Variants in SCUBE2 observed in about 807,000 individuals in gnomAD.
SCUBE2 encodes signal peptide, CUB domain and EGF like domain containing 2, also known as signal peptide, CUB and EGF-like domain-containing protein 2.
In SCUBE2, 114 loss-of-function variants were observed where a neutral mutation model predicts 125.9. That is an observed-to-expected ratio of 0.91 (90% CI 0.78 to 1.06). The LOEUF is 1.06. Ranked by LOEUF, SCUBE2 falls within the 50% of genes least tolerant of loss-of-function variation. The pLI, the probability that SCUBE2 is intolerant of heterozygous loss-of-function variation, is 0.00. For synonymous variants in SCUBE2, 459 were observed against 492.9 expected, an observed-to-expected ratio of 0.93 and a Z score of 0.91; for missense variants, 1,255 against 1,301.8, an observed-to-expected ratio of 0.96 and a Z score of 0.55.
At chr11:9,062,362 C>G (rs1859764404) in intron 7 of SCUBE2, among the ~76,000 whole-genome samples, 1 of 152,192 alleles carries the variant, frequency 6.6e-6, no homozygotes, top group Non-Finnish European at 1.5e-5. Flanking sequence ...CCTGCCCAAG[C>G]AAAAAGACCT....
In SCUBE2 at chr11:9,091,427, C is replaced by A. The variant is rs1346429214; in HGVS notation, c.102G>T (p.Pro34=). 7.5e-7 allele frequency: 1 copy of A among 1,331,768 alleles called. No individual in the cohort carries two copies. Among genetic ancestry groups the A allele is most frequent in the Admixed American group, 3.4e-5 (1 of 29,768 alleles). The allele number at this position is 1,331,768 out of a possible 1,614,324, so 82.5% of individuals were successfully genotyped here. ...PLLLLAGAVP[P]GRGRAAGPQE... is the part of the protein sequence containing the mutation. ...GCGGCCCCGCGGCACGGCCCCGACC[C>A]GGCGGGACGGCCCCCGCCAGCAGCA... is the stretch of plus-strand genomic sequence containing the variant. Residue 34 remains proline, a synonymous_variant, in exon 1 of 23, where the codon CCG becomes CCT. Coordinates refer to ENST00000649792, the MANE Select transcript of SCUBE2 (RefSeq NM_001367977.2). The surrounding 1 kb of genome is among the most constrained non-coding windows in gnomAD (Gnocchi z 8.5).
intron 1 of SCUBE2, chr11:9,090,489 A>ATTTTTTTTTTTTT (rs138136231): frequency 7.0e-6 from 1 of 141,896 alleles, no homozygotes; most frequent in African/African-American, 2.6e-5. Context: ...TTATTTATTT[A>ATTTTTTTTTTTTT]TTTTTTTTTT....
At chr11:9,023,671 A>G (rs1855494746) in intron 21 of SCUBE2, among the ~76,000 whole-genome samples, 1 of 152,266 alleles carries the variant, frequency 6.6e-6, no homozygotes, top group Non-Finnish European at 1.5e-5. Context: ...GGAGTCCCAC[A>G]GTCCTGGTTC....
chr11:9,046,335 T>C (rs1005854287), intron 16 of SCUBE2, among the ~76,000 whole-genome samples: 1 of 152,024 alleles, frequency 6.6e-6, no homozygotes, highest in African/African-American at 2.4e-5. Flanking sequence ...GCTGTTGTGG[T>C]CATGAAGCCC....
intron 17 of SCUBE2, among the ~76,000 whole-genome samples, chr11:9,032,287 GT>G: frequency 6.6e-6 from 1 of 151,682 alleles, no homozygotes; most frequent in Non-Finnish European, 1.5e-5. Flanking sequence ...GCTATTTTTT[GT>G]TTTTTTTAAT....
At chr11:9,067,174 C>CT (rs1860329586) in intron 5 of SCUBE2, among the ~76,000 whole-genome samples, 3 of 152,230 alleles carry the variant, frequency 2.0e-5, no homozygotes, top group Admixed American at 2.0e-4. Flanking sequence ...TGTACTGGGG[C>CT]TTTGGGAAAT....
chr11:9,046,180 G>A (rs535483440), intron 16 of SCUBE2, among the ~76,000 whole-genome samples: 2 of 151,768 alleles, frequency 1.3e-5, no homozygotes, highest in East Asian at 3.9e-4. Context: ...CTAATTTTTT[G>A]TATTTTTTTA....
intron 16 of SCUBE2, among the ~76,000 whole-genome samples, chr11:9,036,201 T>C (rs2135228278): frequency 6.6e-6 from 1 of 152,340 alleles, no homozygotes; most frequent in East Asian, 1.9e-4. Context: ...CAATTTTATA[T>C]TTTTAAAAAA....
chr11:9,027,635 C>T (rs2135081877), intron 19 of SCUBE2, 74 bp from the exon 20 acceptor site: 5 of 1,284,774 alleles, frequency 3.9e-6, no homozygotes, highest in Non-Finnish European at 5.5e-6. Context: ...CTTGCCGAGC[C>T]CCGCAGCACC....
intron 16 of SCUBE2, among the ~76,000 whole-genome samples, chr11:9,042,430 T>C (rs1245729390): frequency 1.3e-5 from 2 of 152,136 alleles, no homozygotes; most frequent in Non-Finnish European, 2.9e-5. Flanking sequence ...TACCATCAGA[T>C]GCACCTTTCT....
In SCUBE2 at chr11:9,019,849, T is replaced by C. The variant is rs1344742049; in HGVS notation, c.*1196A>G. 1.3e-5 allele frequency among the ~76,000 whole-genome samples: 2 copies of C among 152,228 alleles called. No individual in the cohort carries two copies. The highest frequency in any genetic ancestry group is 1.9e-4 in the East Asian group (1 of 5,196). On this transcript the variant is annotated 3_prime_UTR_variant, in exon 23 of 23. Transcript: ENST00000649792. ...TGATTGGATTCCTTTTTATTCACTG[T>C]AATGAGATTTTTGCTTGGGGATTTA...
rs143680682 is a variant in SCUBE2, at chr11:9,036,233, G to C, written c.2003-2437C>G. On this transcript the variant is annotated intron_variant, in intron 16 of 22. Coordinates refer to ENST00000649792, the MANE Select transcript of SCUBE2 (RefSeq NM_001367977.2). Reference sequence around the variant, plus strand: ...AAAATTAAAAGTGAACCAAACTCTTGTTTTATTGGCAAACAATATTATAAT... The same window carrying C: ...AAAATTAAAAGTGAACCAAACTCTTCTTTTATTGGCAAACAATATTATAAT... Among the ~76,000 whole-genome samples the C allele has an allele frequency of 2.2e-3, 336 of 152,258 alleles. 1 individual carries two copies. Among genetic ancestry groups the C allele is most frequent in the African/African-American group, 6.2e-3 (259 of 41,534 alleles).
At chr11:9,080,709 C>A (rs1389978373) in intron 2 of SCUBE2, among the ~76,000 whole-genome samples, 4 of 151,210 alleles carry the variant, frequency 2.6e-5, no homozygotes, top group Non-Finnish European at 5.9e-5. Flanking sequence ...GTTAAAATTT[C>A]TTTGATATAA....
intron 21 of SCUBE2, among the ~76,000 whole-genome samples, chr11:9,023,561 TA>T (rs201747414): frequency 3.3e-5 from 5 of 152,004 alleles, no homozygotes; most frequent in Non-Finnish European, 7.4e-5. Context: ...TGCTATCGTT[TA>T]AAAAAAATAT....
intron 4 of SCUBE2, among the ~76,000 whole-genome samples, chr11:9,071,563 T>C (rs1774799184): frequency 2.6e-5 from 4 of 152,156 alleles, no homozygotes; most frequent in Admixed American, 2.6e-4. Context: ...GCCCAGCAAA[T>C]GGCCCTAGCT....
At chr11:9,089,859 C>T (rs367793405) in intron 1 of SCUBE2, 30 bp from the exon 2 acceptor site, 3 of 1,608,632 alleles carry the variant, frequency 1.9e-6, no homozygotes, top group East Asian at 2.2e-5. Flanking sequence ...ACACCTGGTA[C>T]AGGCTCCCAG....
rs1862666940 is a variant in SCUBE2 at position 9,091,156 on chromosome 11, C to A, written c.133+240G>T. Among the ~76,000 whole-genome samples, 1 of 152,286 alleles carries A rather than the reference C, an allele frequency of 6.6e-6. No individual in the cohort carries two copies. Among genetic ancestry groups the A allele is most frequent in the East Asian group, 1.9e-4 (1 of 5,162 alleles). Reference sequence around the variant, plus strand: ...GCAGGCGCTCTGGAGGCATCCGGACCGGGGCGGGAACCGTCAGCAGCTCCG... The same window carrying A: ...GCAGGCGCTCTGGAGGCATCCGGACAGGGGCGGGAACCGTCAGCAGCTCCG... On this transcript the variant is annotated intron_variant, in intron 1 of 22. Coordinates refer to ENST00000649792, the MANE Select transcript of SCUBE2 (RefSeq NM_001367977.2). This position sits in a 1 kb window ranked among gnomAD's most constrained non-coding sequence, Gnocchi z 8.5.
At chr11:9,028,754 G>A (rs1300788503) in intron 19 of SCUBE2, among the ~76,000 whole-genome samples, 2 of 152,176 alleles carry the variant, frequency 1.3e-5, no homozygotes, top group African/African-American at 2.4e-5. Flanking sequence ...CTGAAGGGCT[G>A]CCCTAGGAAC....
intron 7 of SCUBE2, 102 bp from the exon 8 acceptor site, chr11:9,060,626 ATACCCCAAGTCTCTGC>A (rs1369618993): frequency 1.1e-6 from 1 of 899,194 alleles, no homozygotes; most frequent in East Asian, 2.5e-5. Context: ...ACTCATGGTC[ATACCCCAAGTCTCTGC>A]TACCTGCAGA....
Sources: allele counts gnomAD v4.1 joint callset (sites outside exome capture counted in the v4.1 genomes callset), GRCh38; gene constraint gnomAD v4.1.1; non-coding constraint Gnocchi (gnomAD v3.1); transcripts MANE v1.5; gene names NCBI Gene and HGNC (gene_info 2026-07-23, HGNC 2026-07-21).